The following NFKBIZ variants were observed in gnomAD, a reference collection of about 807,000 sequenced individuals.
NFKBIZ encodes the protein NF-kappa-B inhibitor zeta.
NFKBIZ carries 19 observed loss-of-function variants against 76.8 expected under a neutral mutation model. The observed-to-expected ratio is 0.25, with a 90% confidence interval of 0.17 to 0.36. The LOEUF is 0.36. NFKBIZ is among the 10% of genes least tolerant of loss of function. The pLI, the probability that NFKBIZ is intolerant of heterozygous loss-of-function variation, is 1.00. For missense variants in NFKBIZ, 829 were observed against 910.9 expected, an observed-to-expected ratio of 0.91 and a Z score of 1.16; for synonymous variants, 368 against 354.8, an observed-to-expected ratio of 1.04 and a Z score of -0.42.
chr3:101,848,705 TAA>T (rs1227768517), upstream of NFKBIZ, among the ~76,000 whole-genome samples: 2 of 152,236 alleles, frequency 1.3e-5, no homozygotes, highest in African/African-American at 4.8e-5. Flanking sequence ...TGCAGAATTT[TAA>T]AAGTTATATC....
At chr3:101,831,284 A>T (rs1162647198) in intron 2 of NFKBIZ, among the ~76,000 whole-genome samples, 2 of 152,224 alleles carry the variant, frequency 1.3e-5, no homozygotes, top group East Asian at 3.8e-4. Context: ...GGGCCATAGT[A>T]CATAATAGAT....
At chr3:101,859,231 T>C in intron 11 of NFKBIZ, 87 bp from the exon 12 acceptor site, 1 of 965,442 alleles carries the variant, frequency 1.0e-6, no homozygotes, top group Admixed American at 1.7e-5. Flanking sequence ...GTGTAGATGG[T>C]ATAAGAAAGG....
chr3:101,837,764 T>C (rs1015913120), intron 2 of NFKBIZ, among the ~76,000 whole-genome samples: 6 of 152,158 alleles, frequency 3.9e-5, no homozygotes, highest in Non-Finnish European at 7.4e-5. Context: ...TTTAACACTG[T>C]ATGGAATGAT....
At chr3:101,852,304 C>T in intron 2 of NFKBIZ, 80 bp downstream of exon 2, 1 of 1,494,358 alleles carries the variant, frequency 6.7e-7, no homozygotes, top group Non-Finnish European at 9.1e-7. Flanking sequence ...GACCTAGGTC[C>T]AGTCATCAAG....
intron 9 of NFKBIZ, 153 bp from the exon 10 acceptor site, chr3:101,856,920 C>T: frequency 1.7e-6 from 1 of 589,974 alleles, no homozygotes; most frequent in East Asian, 2.7e-5. Flanking sequence ...TTCCATTTAG[C>T]TTGGGATTAA....
At chr3:101,855,695 G>A (rs1395286794) in intron 8 of NFKBIZ, 38 bp from the exon 9 acceptor site, 1 of 1,549,578 alleles carries the variant, frequency 6.5e-7, no homozygotes, top group African/African-American at 1.4e-5. Flanking sequence ...AGACCTGATG[G>A]GATGCTTGAC....
At chr3:101,850,401 A>G (rs1942935592) in intron 1 of NFKBIZ, 1 of 152,768 alleles carries the variant, frequency 6.5e-6, no homozygotes, top group South Asian at 2.1e-4. Context: ...TTGACCGTCA[A>G]AGAAAAGGAA....
chr3:101,855,376 CTG>C lies in NFKBIZ; in HGVS notation c.1591-17_1591-16del. ...CGCAGCTTATGTAGCTAACAGATGT[CTG>C]TTTTTAAAATCTGCAGGCGATTCAG... is the stretch of plus-strand genomic sequence containing the variant. On this transcript the variant is annotated splice_polypyrimidine_tract_variant and intron_variant, in intron 7 of 11. Coordinates refer to ENST00000326172, the MANE Select transcript of NFKBIZ (RefSeq NM_031419.4). The C allele has an allele frequency of 6.2e-7, 1 of 1,613,912 alleles. No individual in the cohort carries two copies. The highest frequency in any genetic ancestry group is 8.5e-7 in the Non-Finnish European group (1 of 1,179,820).
upstream of NFKBIZ, among the ~76,000 whole-genome samples, chr3:101,847,583 A>G (rs571841829): frequency 1.3e-5 from 2 of 152,194 alleles, no homozygotes; most frequent in Admixed American, 6.5e-5. Flanking sequence ...GGTATAGTCT[A>G]TTGCTCCTGG....
At chr3:101,859,228 T>C (rs1943100397) in intron 11 of NFKBIZ, 90 bp from the exon 12 acceptor site, 4 of 933,094 alleles carry the variant, frequency 4.3e-6, no homozygotes, top group African/African-American at 1.6e-5. Flanking sequence ...GTAGTGTAGA[T>C]GGTATAAGAA....
Position 101,849,616 on chromosome 3 carries a change from C to A in NFKBIZ, c.-13C>A. On this transcript the variant is annotated 5_prime_UTR_variant, in exon 1 of 12. Coordinates refer to ENST00000326172, the MANE Select transcript of NFKBIZ (RefSeq NM_031419.4). The stretch of plus-strand genomic sequence containing the variant: ...CGCAGGTGTCGGGGTCCTCGAGCGC[C>A]CAGCCTGGGAGCATGATTGTGGACA... The A allele has an allele frequency of 7.5e-7, 1 of 1,335,918 alleles. No individual in the cohort carries two copies. Among genetic ancestry groups the A allele is most frequent in the East Asian group, 3.0e-5 (1 of 33,766 alleles). 82.8% of individuals were successfully genotyped at this position (1,335,918 alleles called of 1,614,324 possible). A position where few individuals can be genotyped will look rare whatever the true frequency, so the allele number is the denominator to read the frequency against.
intron 11 of NFKBIZ, 23 bp from the exon 12 acceptor site, chr3:101,859,295 A>G (rs1943101489): frequency 1.9e-6 from 3 of 1,610,510 alleles, no homozygotes; most frequent in East Asian, 4.5e-5. Flanking sequence ...AAACCTCACA[A>G]ATTTTATTTG....
intron 2 of NFKBIZ, among the ~76,000 whole-genome samples, chr3:101,842,679 C>T (rs142708172): frequency 0.02 from 2,985 of 150,324 alleles, 95 homozygotes; most frequent in African/African-American, 0.067. Flanking sequence ...CCAGTGTGGC[C>T]CAGGGAAGCC....
intron 6 of NFKBIZ, 98 bp downstream of exon 6, chr3:101,854,781 AAG>A: frequency 1.2e-6 from 1 of 811,988 alleles, no homozygotes; most frequent in Non-Finnish European, 1.9e-6. Context: ...GCTCAAGATC[AAG>A]AGAGTTTAGT....
In NFKBIZ at chr3:101,853,241, T is replaced by C; in HGVS notation, c.715T>C (p.Trp239Arg). ...PVSLNTVQVSWLNPVVVPQSS... is the reference protein window; with the variant it reads ...PVSLNTVQVSRLNPVVVPQSS... ...TTCCCTGAACACAGTTCAAGTTAGC[T>C]GGCTGAACCCCGTGGTGGTCCCTCA... The change falls in exon 5 of 12, where the codon TGG becomes CGG. Residue 239 changes from tryptophan (W) to arginine (R), a missense_variant. Physicochemically the swap from Trp to Arg is moderately radical, Grantham distance 101 (BLOSUM62 -3). This residue lies in a region of NFKBIZ where 371 missense variants were observed against 332.3 expected (regional missense o/e 1.12). Transcript: ENST00000326172. 6.2e-7 allele frequency: 1 copy of C among 1,614,170 alleles called. No individual in the cohort carries two copies. Among genetic ancestry groups the C allele is most frequent in the Non-Finnish European group, 8.5e-7 (1 of 1,180,030 alleles).
chr3:101,839,395 G>C (rs1466648530), intron 2 of NFKBIZ, among the ~76,000 whole-genome samples: 4 of 152,064 alleles, frequency 2.6e-5, no homozygotes, highest in Non-Finnish European at 5.9e-5. Flanking sequence ...GTATTAAAAA[G>C]GGAAGGGGGA....
intron 2 of NFKBIZ, chr3:101,829,739 T>G (rs919313513): frequency 6.6e-6 from 1 of 152,174 alleles, no homozygotes; most frequent in Admixed American, 6.5e-5. Context: ...GTTACCTAGC[T>G]TCTGGCTGAT....
chr3:101,834,654 C>T (rs892395154), intron 2 of NFKBIZ, among the ~76,000 whole-genome samples: 1 of 152,254 alleles, frequency 6.6e-6, no homozygotes, highest in Non-Finnish European at 1.5e-5. Flanking sequence ...AGCCACCACA[C>T]CCGGCCCCTC....
At position 101,853,571 on chromosome 3, in the gene NFKBIZ, G is replaced by A; in HGVS notation, c.1045G>A (p.Glu349Lys). 6.2e-7 allele frequency: 1 copy of A among 1,614,206 alleles called. No homozygotes were observed. The highest frequency in any genetic ancestry group is 8.5e-7 in the Non-Finnish European group (1 of 1,180,044). ...AGTTTCCCTTCTTGGTGATCAAAGG[G>A]AATCTGAGAATATTGCTAATCCCAT... ...SLVSLLGDQR[E>K]SENIANPMQT... is the part of the protein sequence containing the mutation. Residue 349 changes from glutamate (E) to lysine (K), a missense_variant, in exon 5 of 12, where the codon GAA (glutamate) becomes AAA (lysine). Transcript: ENST00000326172.
Sources: gnomAD v4.1 joint callset for allele counts (sites outside exome capture counted in the v4.1 genomes callset) on GRCh38, gnomAD v4.1.1 for gene constraint, gnomAD v4.1.1 regional missense constraint, MANE v1.5 for transcripts, NCBI Gene and HGNC (gene_info 2026-07-23, HGNC 2026-07-21) for gene names.